Variants in KIF16B observed in about 807,000 individuals in gnomAD.
KIF16B encodes kinesin family member 16B.
Under a neutral mutation model 156.3 loss-of-function variants are expected in KIF16B, and 98 were observed. The observed-to-expected ratio is 0.63, with a 90% CI of 0.53 to 0.74. The LOEUF (loss-of-function observed/expected upper bound fraction) is 0.74. Ranked by LOEUF, KIF16B falls within the 30% of genes least tolerant of loss-of-function variation. The pLI, the probability that KIF16B is intolerant of heterozygous loss-of-function variation, is 0.00. For missense variants in KIF16B, 1,421 were observed against 1,606.5 expected, an observed-to-expected ratio of 0.88 and a Z score of 1.97; for synonymous variants, 564 against 583.7, an observed-to-expected ratio of 0.97 and a Z score of 0.49.
At chr20:16,431,225 C>G (rs2066490264) in intron 12 of KIF16B, among the ~76,000 whole-genome samples, 1 of 152,172 alleles carries the variant, frequency 6.6e-6, no homozygotes, top group Non-Finnish European at 1.5e-5. Context: ...CCACTCATGT[C>G]TCCCGTGATA....
At chr20:16,400,146 T>C (rs1217565808) in intron 17 of KIF16B, among the ~76,000 whole-genome samples, 1 of 152,228 alleles carries the variant, frequency 6.6e-6, no homozygotes. Flanking sequence ...CATGTAATCA[T>C]CAGGAAATCC....
chr20:16,393,597 C>T (rs886694656), intron 17 of KIF16B, among the ~76,000 whole-genome samples: 5 of 152,154 alleles, frequency 3.3e-5, no homozygotes, highest in Admixed American at 3.3e-4. Flanking sequence ...AAGAATTATT[C>T]CCTTAAACAC....
intron 15 of KIF16B, among the ~76,000 whole-genome samples, chr20:16,411,638 T>C (rs1274804351): frequency 1.3e-5 from 2 of 152,016 alleles, no homozygotes; most frequent in South Asian, 2.1e-4. Context: ...CAGGGTATCA[T>C]GGGGAACATA....
chr20:16,516,799 G>A (rs1408590644), intron 3 of KIF16B, among the ~76,000 whole-genome samples: 1 of 152,222 alleles, frequency 6.6e-6, no homozygotes, highest in Non-Finnish European at 1.5e-5. Context: ...AAAGTCCAAT[G>A]GCCAGGCCAG....
Position 16,508,176 on chromosome 20 carries a change from A to T in KIF16B, c.557-76T>A, listed in dbSNP as rs541031460. The T allele has an allele frequency of 6.0e-6, 9 of 1,508,720 alleles. No homozygotes were observed. The African/African-American group carries it at 1.2e-4, about 21-fold the overall frequency. The allele number at this position is 1,508,720 out of a possible 1,614,324, so 93.5% of individuals were successfully genotyped here. ...TGGAATACAAAATTACCCTCTATGA[A>T]ATAATACACAACTCCAAAATCTGCT... On this transcript the variant is annotated intron_variant, in intron 6 of 25. Transcript: ENST00000354981.
chr20:16,543,140 C>T (rs1022829290), intron 1 of KIF16B, among the ~76,000 whole-genome samples: 1 of 152,158 alleles, frequency 6.6e-6, no homozygotes, highest in Non-Finnish European at 1.5e-5. Context: ...GGGTTTGGGA[C>T]CACTGCGCTA....
chr20:16,566,785 G>C (rs2071271357), intron 1 of KIF16B, among the ~76,000 whole-genome samples: 1 of 152,188 alleles, frequency 6.6e-6, no homozygotes, highest in African/African-American at 2.4e-5. Context: ...TATTGAATAT[G>C]TGTCTGTTGA....
intron 25 of KIF16B, among the ~76,000 whole-genome samples, chr20:16,290,361 G>A (rs2063296779): frequency 1.3e-5 from 2 of 152,198 alleles, no homozygotes; most frequent in Non-Finnish European, 2.9e-5. Flanking sequence ...TGCCTCTGCA[G>A]CTGTGGCTGA....
At chr20:16,464,761 T>G (rs1307251718) in intron 12 of KIF16B, among the ~76,000 whole-genome samples, 1 of 152,218 alleles carries the variant, frequency 6.6e-6, no homozygotes, top group Non-Finnish European at 1.5e-5. Context: ...AAGTTCTTCT[T>G]CAAATGTCTT....
chr20:16,288,792 T>G (rs1195488582), intron 25 of KIF16B, among the ~76,000 whole-genome samples: 1 of 151,752 alleles, frequency 6.6e-6, no homozygotes, highest in Non-Finnish European at 1.5e-5. Flanking sequence ...AGTATGTACC[T>G]TAGTAAACAC....
rs927056019 is a variant in KIF16B, at chr20:16,273,015, G to A, written c.*238C>T. On this transcript the variant is annotated 3_prime_UTR_variant, in exon 26 of 26. Coordinates refer to ENST00000354981, the MANE Select transcript of KIF16B (RefSeq NM_024704.5). ...AGGAAGCACTGTGGGAAAAGGCCAC[G>A]TTCAACCGCAATGGAACGGTAACGG... 27 of 481,342 alleles carry A rather than the reference G, an allele frequency of 5.6e-5. No homozygotes were observed. The East Asian group carries it at 6.6e-4, about 12-fold the overall frequency. The allele number at this position is 481,342 out of a possible 1,614,324, so 29.8% of individuals were successfully genotyped here. A position where few individuals can be genotyped will look rare whatever the true frequency, so the allele number is the denominator to read the frequency against.
At chr20:16,346,273 T>A (rs2064232878) in intron 23 of KIF16B, among the ~76,000 whole-genome samples, 2 of 152,224 alleles carry the variant, frequency 1.3e-5, no homozygotes, top group African/African-American at 4.8e-5. Flanking sequence ...CAGTCCTCGA[T>A]CTGCCCGTCT....
chr20:16,412,643 C>G (rs572434148), intron 15 of KIF16B, among the ~76,000 whole-genome samples: 1 of 152,092 alleles, frequency 6.6e-6, no homozygotes, highest in South Asian at 2.1e-4. Context: ...ACCATCAGAT[C>G]TCGTGAGAAC....
At chr20:16,452,914 T>C (rs1323875877) in intron 12 of KIF16B, among the ~76,000 whole-genome samples, 1 of 149,456 alleles carries the variant, frequency 6.7e-6, no homozygotes, top group Non-Finnish European at 1.5e-5. Context: ...ATAGAAGAAG[T>C]GAAGAATTTC....
chr20:16,502,585 G>A (rs1039772128), intron 10 of KIF16B, among the ~76,000 whole-genome samples: 1 of 151,964 alleles, frequency 6.6e-6, no homozygotes, highest in Non-Finnish European at 1.5e-5. Flanking sequence ...CACAGCAGTG[G>A]TAATAAGTCA....
chr20:16,371,706 C>G lies in KIF16B; in HGVS notation c.3406G>C (p.Val1136Leu). Residue 1136 changes from valine to leucine, a missense_variant, in exon 21 of 26, where the codon GTG (valine) becomes CTG (leucine). Transcript: ENST00000354981. ...VQRRLQDLHR[V>L]ISEGCSTSAD... ...GATGTACTGCAGCCTTCACTAATCA[C>G]ACGATGCAAATCCTGAAGGCGTCTT... The G allele has an allele frequency of 6.2e-7, 1 of 1,613,940 alleles. No homozygotes were observed. Among genetic ancestry groups the G allele is most frequent in the Non-Finnish European group, 8.5e-7 (1 of 1,179,912 alleles).
At chr20:16,516,790 A>G (rs561645023) in intron 3 of KIF16B, among the ~76,000 whole-genome samples, 2 of 152,222 alleles carry the variant, frequency 1.3e-5, no homozygotes. Context: ...AGGCTTTGAA[A>G]AGTCCAATGG....
At chr20:16,354,985 G>A (rs115161408) in intron 23 of KIF16B, among the ~76,000 whole-genome samples, 2,115 of 151,042 alleles carry the variant, frequency 0.014, 50 homozygotes, top group African/African-American at 0.048. Flanking sequence ...CAGGCATCAT[G>A]CTTTCTCAAT....
At chr20:16,372,711 T>C (rs1297925723) in intron 20 of KIF16B, among the ~76,000 whole-genome samples, 2 of 152,218 alleles carry the variant, frequency 1.3e-5, no homozygotes, top group Admixed American at 6.5e-5. Flanking sequence ...TTATTATTAT[T>C]TTTGAGACAG....
Sources: gnomAD v4.1 joint callset for allele counts (sites outside exome capture counted in the v4.1 genomes callset) on GRCh38, gnomAD v4.1.1 for gene constraint, MANE v1.5 for transcripts, NCBI Gene and HGNC (gene_info 2026-07-23, HGNC 2026-07-21) for gene names.